The following FYB1 variants were observed in gnomAD, a reference collection of about 807,000 sequenced individuals.
FYB1 encodes the protein FYN-binding protein 1.
A neutral mutation model predicts 94.1 loss-of-function variants in FYB1; 41 were observed. The observed-to-expected ratio is 0.44, with a 90% CI of 0.34 to 0.57. FYB1 has a LOEUF of 0.57. Ranked by LOEUF, FYB1 falls within the 20% of genes least tolerant of loss-of-function variation. The pLI is 0.02. For synonymous variants in FYB1, 367 were observed against 353.2 expected (o/e 1.04, Z -0.44); for missense variants, 1,050 against 976.8 (o/e 1.07, Z -1.00).
At chr5:39,209,861 T>C (rs1053537681) in intron 1 of FYB1, among the ~76,000 whole-genome samples, 1 of 152,042 alleles carries the variant, frequency 6.6e-6, no homozygotes, top group Admixed American at 6.6e-5. Context: ...CAGATGGGAG[T>C]GGAGGAGATG....
intron 17 of FYB1, among the ~76,000 whole-genome samples, chr5:39,109,023 T>C (rs1414883072): frequency 1.3e-5 from 2 of 152,096 alleles, no homozygotes; most frequent in Non-Finnish European, 2.9e-5. Context: ...GAAATAAAAA[T>C]AGAGAGCATT....
At chr5:39,145,710 G>A (rs1324926392) in intron 3 of FYB1, among the ~76,000 whole-genome samples, 3 of 152,114 alleles carry the variant, frequency 2.0e-5, no homozygotes, top group Admixed American at 2.0e-4. Flanking sequence ...AGGTTCTTAT[G>A]ATCAATCTTG....
rs376558457 is a variant in FYB1, at chr5:39,273,465, A to G, written c.-28+938T>C. On this transcript the variant is annotated intron_variant, in intron 1 of 1. Coordinates refer to the FYB1 transcript ENST00000510188. ...ATGTGAGTATATCTCCTGTGAAGCC[A>G]GAGCTCAGTACATAAGTTCCTGAGC... Among the ~76,000 whole-genome samples the G allele has an allele frequency of 2.9e-4, 44 of 152,360 alleles. 1 individual carries two copies. The East Asian group carries it at 7.7e-3, about 27-fold the overall frequency.
chr5:39,138,611 A>G, intron 6 of FYB1, 46 bp downstream of exon 6: 2 of 1,216,680 alleles, frequency 1.6e-6, no homozygotes, highest in Non-Finnish European at 2.4e-6. Context: ...AAAACATTAT[A>G]TTCATCTTTG....
At chr5:39,107,564 A>G in intron 18 of FYB1, 99 bp from the exon 19 acceptor site, 1 of 667,192 alleles carries the variant, frequency 1.5e-6, no homozygotes, top group South Asian at 3.2e-5. Flanking sequence ...CTCCTGGTTA[A>G]GGATTAAAAA....
chr5:39,225,083 C>T (rs180808697), intron 1 of FYB1, among the ~76,000 whole-genome samples: 262 of 152,270 alleles, frequency 1.7e-3, no homozygotes, highest in African/African-American at 2.5e-3. Flanking sequence ...TTCCCCACTT[C>T]GCATCCTTTA....
intron 1 of FYB1, among the ~76,000 whole-genome samples, chr5:39,207,247 A>G (rs1218071366): frequency 6.6e-6 from 1 of 152,220 alleles, no homozygotes; most frequent in Admixed American, 6.5e-5. Flanking sequence ...CCTGCTATGT[A>G]TCCATATAAT....
At chr5:39,244,516 T>C (rs560584676) in intron 1 of FYB1, among the ~76,000 whole-genome samples, 1 of 152,322 alleles carries the variant, frequency 6.6e-6, no homozygotes, top group South Asian at 2.1e-4. Context: ...GATAAGCTTT[T>C]TGATGTGCTG....
chr5:39,201,477 G>T (rs1432560300), intron 2 of FYB1, among the ~76,000 whole-genome samples: 1 of 152,170 alleles, frequency 6.6e-6, no homozygotes, highest in Admixed American at 6.5e-5. Context: ...CCTCTGTGTT[G>T]ATAGGGGTAA....
chr5:39,260,619 GAAGTGAGAAGC>G lies in FYB1; in HGVS notation c.-28+13773_-28+13783del, dbSNP rs1337837772. The stretch of plus-strand genomic sequence containing the variant: ...AAGCACACTTCCACTGGCAACAAAG[GAAGTGAGAAGC>G]CAATCAAGTAAGTCTGTAAAGTGGT... On this transcript the variant is annotated intron_variant, in intron 1 of 1. Transcript: ENST00000510188. Among the ~76,000 whole-genome samples, 3 of 152,238 alleles carry G rather than the reference GAAGTGAGAAGC, an allele frequency of 2.0e-5. No individual in the cohort carries two copies. In the East Asian group the frequency reaches 5.8e-4, roughly 29 times the overall value.
chr5:39,149,978 C>G (rs1487641568), intron 3 of FYB1, among the ~76,000 whole-genome samples: 1 of 152,022 alleles, frequency 6.6e-6, no homozygotes, highest in African/African-American at 2.4e-5. Context: ...AACTTCTTAC[C>G]CAATTGGATG....
chr5:39,220,289 T>C (rs1157245145), upstream of FYB1, among the ~76,000 whole-genome samples: 1 of 151,748 alleles, frequency 6.6e-6, no homozygotes, highest in Non-Finnish European at 1.5e-5. Context: ...TGCATGCCTG[T>C]AGCCCCAGAC....
intron 13 of FYB1, among the ~76,000 whole-genome samples, chr5:39,123,537 T>C (rs555201347): frequency 6.6e-6 from 1 of 152,280 alleles, no homozygotes; most frequent in Non-Finnish European, 1.5e-5. Context: ...TATCAGGCAC[T>C]GATCAGCTTG....
At position 39,105,805 on chromosome 5, in the gene FYB1, A is replaced by G. The variant is rs1760342543; in HGVS notation, c.*1638T>C. The G allele has an allele frequency of 6.6e-6, 1 of 152,194 alleles. No homozygotes were observed. Among genetic ancestry groups the G allele is most frequent in the Non-Finnish European group, 1.5e-5 (1 of 68,042 alleles). The allele number at this position is 152,194 out of a possible 1,614,324, so 9.4% of individuals were successfully genotyped here. On this transcript the variant is annotated 3_prime_UTR_variant, in exon 19 of 19. Coordinates refer to ENST00000512982, the MANE Select transcript of FYB1 (RefSeq NM_001465.6). ...TGGCTAGTGCTCTCTAAAAGTAGAC[A>G]TTAAAATATTTCATAATTGGAGGGA... is the stretch of plus-strand genomic sequence containing the variant.
At chr5:39,221,761 C>G (rs777179566), upstream of FYB1, among the ~76,000 whole-genome samples, 1 of 152,088 alleles carries the variant, frequency 6.6e-6, no homozygotes, top group South Asian at 2.1e-4. Flanking sequence ...CTTTGGGAGG[C>G]CTAGGAGGGT....
intron 3 of FYB1, among the ~76,000 whole-genome samples, chr5:39,148,105 A>G (rs1046608154): frequency 1.4e-5 from 2 of 139,514 alleles, no homozygotes; most frequent in Non-Finnish European, 3.0e-5. Context: ...GGCTCCTGCA[A>G]TTCTTCCCTT....
chr5:39,254,820 G>C (rs1456478378), intron 1 of FYB1, among the ~76,000 whole-genome samples: 1 of 152,140 alleles, frequency 6.6e-6, no homozygotes, highest in African/African-American at 2.4e-5. Flanking sequence ...AATCAAGAGG[G>C]ATTAGTGCTG....
intron 2 of FYB1, among the ~76,000 whole-genome samples, chr5:39,167,556 T>C (rs1715512343): frequency 6.6e-6 from 1 of 152,192 alleles, no homozygotes; most frequent in Admixed American, 6.5e-5. Context: ...TCTGGGCCTA[T>C]CTTGTTCTTT....
chr5:39,200,865 TC>T (rs1452059727), intron 2 of FYB1, among the ~76,000 whole-genome samples: 1 of 152,152 alleles, frequency 6.6e-6, no homozygotes, highest in South Asian at 2.1e-4. Flanking sequence ...GCATCTTGTT[TC>T]CCCCTCACAA....
Sources: gnomAD v4.1 joint callset for allele counts (sites outside exome capture counted in the v4.1 genomes callset) on GRCh38, gnomAD v4.1.1 for gene constraint, MANE v1.5 for transcripts, NCBI Gene and HGNC (gene_info 2026-07-23, HGNC 2026-07-21) for gene names.